Variants in EPHB4 observed in about 807,000 individuals in gnomAD.
EPHB4 encodes the protein ephrin type-B receptor 4.
Under a neutral mutation model 110.6 loss-of-function variants are expected in EPHB4, and 50 were observed. The observed-to-expected ratio is 0.45, with a 90% CI of 0.36 to 0.57. The LOEUF (loss-of-function observed/expected upper bound fraction) is 0.57, where lower values mean the gene tolerates loss of function less well. EPHB4 is among the 20% of genes least tolerant of loss of function. The probability of loss-of-function intolerance (pLI) is 0.00; values close to 1 mark genes in which losing one functional copy is unlikely to be tolerated. For missense variants in EPHB4, 1,128 were observed against 1,382.1 expected, an observed-to-expected ratio of 0.82 and a Z score of 2.91; for synonymous variants, 592 against 578.4, an observed-to-expected ratio of 1.02 and a Z score of -0.34.
chr7:100,810,885 C>G (rs1376912668), intron 12 of EPHB4, among the ~76,000 whole-genome samples: 2 of 152,120 alleles, frequency 1.3e-5, no homozygotes, highest in Admixed American at 1.3e-4. Context: ...TTCAATGACG[C>G]TAGGGAATCG....
rs1479474664 is a variant in EPHB4 at position 100,822,141 on chromosome 7, T to C, written c.808+130A>G. 1.5e-6 allele frequency: 2 copies of C among 1,323,324 alleles called. No individual in the cohort carries two copies. Among genetic ancestry groups the C allele is most frequent in the Middle Eastern group, 2.7e-4 (1 of 3,718 alleles). 82.0% of individuals were successfully genotyped at this position (1,323,324 alleles called of 1,614,324 possible). A position where few individuals can be genotyped will look rare whatever the true frequency, so the allele number is the denominator to read the frequency against. Reference sequence around the variant, plus strand: ...GAGATTGTGCCACTGCACTCCAGCCTGGGTGACAGAGCAAGCCTCCATTTC... The same window carrying C: ...GAGATTGTGCCACTGCACTCCAGCCCGGGTGACAGAGCAAGCCTCCATTTC... On this transcript the variant is annotated intron_variant, in intron 4 of 16. Transcript: ENST00000358173. This position sits in a 1 kb window ranked among gnomAD's most constrained non-coding sequence, Gnocchi z 4.7.
chr7:100,826,261 G>T (rs1813393177), intron 1 of EPHB4, among the ~76,000 whole-genome samples: 2 of 151,826 alleles, frequency 1.3e-5, no homozygotes, highest in Admixed American at 6.5e-5. Flanking sequence ...GGCGATGTGG[G>T]GGCTGTGTAG....
At chr7:100,804,719 G>C (rs764774306) in intron 16 of EPHB4, among the ~76,000 whole-genome samples, 3 of 152,156 alleles carry the variant, frequency 2.0e-5, no homozygotes, top group African/African-American at 4.8e-5. Flanking sequence ...CAAAGGCCAA[G>C]TGGGGATACG....
In EPHB4 at chr7:100,822,347, C is replaced by G; in HGVS notation, c.732G>C (p.Gln244His). Residue 244 changes from glutamine to histidine, a missense_variant, in exon 4 of 17, where the codon CAG (glutamine) becomes CAC (histidine). Gln to His is a conservative substitution (Grantham distance 24). Coordinates refer to ENST00000358173, the MANE Select transcript of EPHB4 (RefSeq NM_004444.5). This position sits in a 1 kb window ranked among gnomAD's most constrained non-coding sequence, Gnocchi z 4.7. ...SPSLYCREDG[Q>H]WAEQPVTGCS... ...AGCCCGTGACCGGCTGTTCGGCCCA[C>G]TGGCCATCCTCACGGCAGTAGAGGC... The G allele has an allele frequency of 1.9e-6, 3 of 1,569,604 alleles. No homozygotes were observed. Among genetic ancestry groups the G allele is most frequent in the Non-Finnish European group, 2.6e-6 (3 of 1,156,300 alleles).
At chr7:100,817,006 C>T (rs191112262) in intron 8 of EPHB4, among the ~76,000 whole-genome samples, 186 bp downstream of exon 8, 1 of 149,598 alleles carries the variant, frequency 6.7e-6, no homozygotes, top group Admixed American at 6.7e-5. Context: ...TGGCTTGAAT[C>T]CGGGAGGCGG....
chr7:100,804,828 A>G (rs1290806562), intron 16 of EPHB4, among the ~76,000 whole-genome samples: 2 of 152,190 alleles, frequency 1.3e-5, no homozygotes, highest in Non-Finnish European at 1.5e-5. Flanking sequence ...GGTTGGAAAA[A>G]GAGAACCCGA....
At chr7:100,805,052 C>T (rs920927751) in intron 16 of EPHB4, 114 bp downstream of exon 16, 7 of 1,350,508 alleles carry the variant, frequency 5.2e-6, no homozygotes, top group Non-Finnish European at 6.0e-6. Flanking sequence ...GAGCGCAGTG[C>T]AAGAAGACAG....
intron 16 of EPHB4, among the ~76,000 whole-genome samples, chr7:100,804,531 T>A (rs1006438001): frequency 6.6e-6 from 1 of 151,900 alleles, no homozygotes; most frequent in African/African-American, 2.4e-5. Context: ...TCCACAATGG[T>A]CTCGAACTCC....
At chr7:100,810,602 G>A (rs1291819835) in intron 12 of EPHB4, among the ~76,000 whole-genome samples, 2 of 151,992 alleles carry the variant, frequency 1.3e-5, no homozygotes, top group African/African-American at 4.8e-5. Flanking sequence ...AATTAGCCAG[G>A]TGTGGTGGTG....
At position 100,823,717 on chromosome 7, in the gene EPHB4, A is replaced by G. The variant is rs1813299505; in HGVS notation, c.338T>C (p.Val113Ala). The G allele has an allele frequency of 6.2e-7, 1 of 1,613,480 alleles. No individual in the cohort carries two copies. The highest frequency in any genetic ancestry group is 1.3e-5 in the African/African-American group (1 of 74,928). The change falls in exon 3 of 17, where the codon GTC becomes GCC. Residue 113 changes from valine (V) to alanine (A), a missense_variant. Physicochemically the swap from Val to Ala is moderately conservative, Grantham distance 64 (BLOSUM62 0). Transcript: ENST00000358173. ...AGRSCKETFT[V>A]FYYESDADTA... The stretch of plus-strand genomic sequence containing the variant: ...GTCCGCATCGCTCTCATAGTAGAAG[A>G]CGGTGAAGGTCTCCTTGCAGGAGCG...
At position 100,820,200 on chromosome 7, in the gene EPHB4, C is replaced by T; in HGVS notation, c.905G>A (p.Cys302Tyr). The change falls in exon 5 of 17, where the codon TGC becomes TAC. Residue 302 changes from cysteine (C) to tyrosine (Y), a missense_variant. Transcript: ENST00000358173. ...CCGGAAGTACCCGACGCGGCACTGG[C>T]AGACGGCTGATCCAATGGTGTTAGA... Reference protein sequence around the residue: ...SHSNTIGSAVCQCRVGYFRAR... With the variant: ...SHSNTIGSAVYQCRVGYFRAR... 1 of 1,614,146 alleles carries T rather than the reference C, an allele frequency of 6.2e-7. No individual in the cohort carries two copies. Among genetic ancestry groups the T allele is most frequent in the Non-Finnish European group, 8.5e-7 (1 of 1,180,034 alleles).
chr7:100,808,356 C>T (rs1359658213), intron 12 of EPHB4, among the ~76,000 whole-genome samples: 1 of 152,124 alleles, frequency 6.6e-6, no homozygotes, highest in Non-Finnish European at 1.5e-5. Flanking sequence ...GTAGCTGGGA[C>T]TATAGGTGCA....
Position 100,823,832 on chromosome 7 carries a change from T to G in EPHB4, c.223A>C (p.Thr75Pro). 6.2e-7 allele frequency: 1 copy of G among 1,613,250 alleles called. No individual in the cohort carries two copies. The highest frequency in any genetic ancestry group is 1.7e-4 in the Middle Eastern group (1 of 6,056). Residue 75 changes from threonine (T) to proline (P), a missense_variant, in exon 3 of 17, where the codon ACA (threonine) becomes CCA (proline). By Grantham distance (38) the Thr-to-Pro change is conservative. Transcript: ENST00000358173. ...GCGCCCCGCCGTGGGACCCAACCTG[T>G]GCGAAGCCAGTGGGCCTGGCCCGGG... is the stretch of plus-strand genomic sequence containing the variant. ...RAPGQAHWLR[T>P]GWVPRRGAVH...
intron 16 of EPHB4, among the ~76,000 whole-genome samples, chr7:100,803,944 G>C (rs1207268847): frequency 6.6e-6 from 1 of 152,136 alleles, no homozygotes; most frequent in Non-Finnish European, 1.5e-5. Flanking sequence ...AAGTGGGAGA[G>C]GAAGAGCTGG....
Position 100,803,588 on chromosome 7 carries a change from T to C in EPHB4, c.2837A>G (p.Asp946Gly), listed in dbSNP as rs780095931. 3.1e-5 allele frequency: 50 copies of C among 1,602,106 alleles called. No individual in the cohort carries two copies. In the Admixed American group the frequency reaches 8.1e-4, roughly 26 times the overall value. The change falls in exon 17 of 17, where the codon GAC (aspartate) becomes GGC (glycine). Residue 946 changes from aspartate (D) to glycine (G), a missense_variant and splice_region_variant. Around this residue, in one of 3 missense-constraint regions of EPHB4, gnomAD observed 209 missense variants for 240.5 expected, o/e 0.87. Coordinates refer to ENST00000358173, the MANE Select transcript of EPHB4 (RefSeq NM_004444.5). Reference sequence around the variant, plus strand: ...CAGAGTGACTCCGATTCGGAGCAGGTCCCTGCAGAAGGAAAGGAGAGCTTG... The same window carrying C: ...CAGAGTGACTCCGATTCGGAGCAGGCCCCTGCAGAAGGAAAGGAGAGCTTG... ...FELVSQISAE[D>G]LLRIGVTLAG...
chr7:100,823,862 G>A lies in EPHB4; in HGVS notation c.193C>T (p.Arg65Cys), dbSNP rs375154133. 6.8e-6 allele frequency: 11 copies of A among 1,612,276 alleles called. No homozygotes were observed. The highest frequency in any genetic ancestry group is 5.5e-5 in the South Asian group (5 of 90,982). The part of the protein sequence containing the change: ...VRTYEVCDVQ[R>C]APGQAHWLRT... ...AGCCAGTGGGCCTGGCCCGGGGCAC[G>A]CTGCACGTCACACACTTCGTAGGTG... is the stretch of plus-strand genomic sequence containing the variant. Residue 65 changes from arginine (R) to cysteine (C), a missense_variant, in exon 3 of 17, where the codon CGT becomes TGT. Around this residue, in one of 3 missense-constraint regions of EPHB4, gnomAD observed 728 missense variants for 828.6 expected, o/e 0.88. Coordinates refer to ENST00000358173, the MANE Select transcript of EPHB4 (RefSeq NM_004444.5).
At chr7:100,803,661 G>C in intron 16 of EPHB4, 71 bp from the exon 17 acceptor site, 1 of 1,507,114 alleles carries the variant, frequency 6.6e-7, no homozygotes, top group Non-Finnish European at 8.9e-7. Context: ...TGGCTCCTGA[G>C]ACGGTCCTAG....
intron 4 of EPHB4, among the ~76,000 whole-genome samples, chr7:100,821,746 G>A (rs1005512609): frequency 6.6e-6 from 1 of 151,960 alleles, no homozygotes; most frequent in African/African-American, 2.4e-5. Flanking sequence ...TGGCACTATG[G>A]GCATGAACCA....
Position 100,819,609 on chromosome 7 carries a change from TAAG to T in EPHB4, c.1242_1244del (p.Leu415del), listed in dbSNP as rs1390996833. On this transcript the variant is annotated inframe_deletion, in exon 6 of 17. Transcript: ENST00000358173. ...GCTCAAATGGGACGGGCCCCGTGGC[TAAG>T]GAGGATACCCCGTTCAATGCAGTGA... 6.3e-7 allele frequency: 1 copy of T among 1,597,822 alleles called. No homozygotes were observed. The highest frequency in any genetic ancestry group is 8.6e-7 in the Non-Finnish European group (1 of 1,167,172).
Sources: allele counts gnomAD v4.1 joint callset (sites outside exome capture counted in the v4.1 genomes callset), GRCh38; gene constraint gnomAD v4.1.1; regional missense constraint gnomAD v4.1.1; non-coding constraint Gnocchi (gnomAD v3.1); transcripts MANE v1.5; gene names NCBI Gene and HGNC (gene_info 2026-07-23, HGNC 2026-07-21).